Variants in DIAPH2 observed in about 807,000 individuals in gnomAD.
DIAPH2 encodes the protein diaphanous related formin 2.
A neutral mutation model predicts 92.7 loss-of-function variants in DIAPH2; 35 were observed. The observed-to-expected ratio is 0.38, with a 90% CI of 0.29 to 0.50. The LOEUF (loss-of-function observed/expected upper bound fraction) is 0.50. DIAPH2 is among the 20% of genes least tolerant of loss of function. DIAPH2 has a pLI of 0.94. For missense variants in DIAPH2, 701 were observed against 819.5 expected (o/e 0.86, Z 1.77); for synonymous variants, 301 against 280.4 (o/e 1.07, Z -0.73).
chrX:97,083,589 G>A (rs767782755), intron 19 of DIAPH2, among the ~76,000 whole-genome samples: 2 of 111,376 alleles, frequency 1.8e-5, no homozygotes, highest in East Asian at 5.6e-4. Flanking sequence ...CTGGATACCA[G>A]TAGCAGCTCC....
intron 21 of DIAPH2, among the ~76,000 whole-genome samples, chrX:97,139,454 T>A (rs759716779): frequency 6.2e-4 from 67 of 107,510 alleles, no homozygotes; most frequent in African/African-American, 2.0e-3. Context: ...GTTTTTTTTT[T>A]TAAAAAAAAA....
At chrX:97,167,713 G>A (rs1056868881) in intron 22 of DIAPH2, among the ~76,000 whole-genome samples, 1 of 111,372 alleles carries the variant, frequency 9.0e-6, no homozygotes, top group Admixed American at 9.6e-5. Flanking sequence ...ATCAATAGCA[G>A]AATATATAAG....
chrX:96,802,547 T>C (rs1348158573), intron 4 of DIAPH2, among the ~76,000 whole-genome samples: 1 of 111,820 alleles, frequency 8.9e-6, no homozygotes, highest in African/African-American at 3.3e-5. Context: ...GCCCTTGGAA[T>C]GTGGTTTTGT....
chrX:96,894,227 A>G (rs1569422179), intron 5 of DIAPH2, among the ~76,000 whole-genome samples: 1 of 108,025 alleles, frequency 9.3e-6, no homozygotes, highest in African/African-American at 3.4e-5. Flanking sequence ...TTTGGAGGAT[A>G]TTGCCTGAGT....
intron 4 of DIAPH2, among the ~76,000 whole-genome samples, chrX:96,762,736 C>T (rs2064276815): frequency 9.1e-6 from 1 of 110,188 alleles, no homozygotes; most frequent in Non-Finnish European, 1.9e-5. Flanking sequence ...ATAATTTTTT[C>T]AGGGACTATG....
At chrX:96,934,541 CT>C (rs763825466) in intron 10 of DIAPH2, among the ~76,000 whole-genome samples, 79 of 111,328 alleles carry the variant, frequency 7.1e-4, no homozygotes, top group African/African-American at 2.4e-3. Flanking sequence ...TAGAGTGAAA[CT>C]TTTTTTCATA....
At chrX:97,209,439 C>G (rs1156766082) in intron 22 of DIAPH2, among the ~76,000 whole-genome samples, 1 of 111,443 alleles carries the variant, frequency 9.0e-6, no homozygotes, top group Non-Finnish European at 1.9e-5. Context: ...TGTGCCAATA[C>G]ATATAAAGTG....
chrX:97,209,393 A>C (rs2067821902), intron 22 of DIAPH2, among the ~76,000 whole-genome samples: 1 of 111,643 alleles, frequency 9.0e-6, no homozygotes, highest in African/African-American at 3.2e-5. Context: ...CAAATTCAAT[A>C]AAATATAAAA....
intron 22 of DIAPH2, among the ~76,000 whole-genome samples, chrX:97,185,474 CATATAT>C (rs1180330581): frequency 0.017 from 179 of 10,477 alleles, 5 homozygotes; most frequent in South Asian, 0.029. Context: ...TATATATACA[CATATAT>C]ATATATATAT....
chrX:96,947,795 T>C (rs1419289409), intron 14 of DIAPH2, among the ~76,000 whole-genome samples: 1 of 111,996 alleles, frequency 8.9e-6, no homozygotes, highest in Non-Finnish European at 1.9e-5. Context: ...GTTAGAATAA[T>C]GTATAGACTT....
At chrX:97,414,857 G>T (rs1332091380) in intron 25 of DIAPH2, among the ~76,000 whole-genome samples, 1 of 110,838 alleles carries the variant, frequency 9.0e-6, no homozygotes, top group South Asian at 3.8e-4. Flanking sequence ...AAGCCAAATG[G>T]GATCTAATTA....
At chrX:97,027,459 G>A (rs1186020585) in intron 17 of DIAPH2, among the ~76,000 whole-genome samples, 1 of 111,952 alleles carries the variant, frequency 8.9e-6, no homozygotes. Flanking sequence ...CATTCATCAA[G>A]TAATAAAATA....
intron 4 of DIAPH2, among the ~76,000 whole-genome samples, chrX:96,877,229 A>C (rs1367173504): frequency 1.8e-5 from 2 of 111,594 alleles, no homozygotes; most frequent in Non-Finnish European, 3.8e-5. Flanking sequence ...TTGATTTCTT[A>C]TGTTTGAAAG....
chrX:96,821,355 G>A (rs1326851818), intron 4 of DIAPH2, among the ~76,000 whole-genome samples: 1 of 111,106 alleles, frequency 9.0e-6, no homozygotes, highest in East Asian at 2.8e-4. Flanking sequence ...TGAAGCAGCA[G>A]AACCCATTGA....
chrX:97,118,892 C>T (rs2067034675), intron 21 of DIAPH2, among the ~76,000 whole-genome samples: 3 of 112,283 alleles, frequency 2.7e-5, no homozygotes, highest in African/African-American at 9.7e-5. Context: ...CTGACTAAGT[C>T]ACTTACCTTC....
At chrX:97,466,650 C>T (rs933942580) in intron 26 of DIAPH2, among the ~76,000 whole-genome samples, 3 of 111,863 alleles carry the variant, frequency 2.7e-5, no homozygotes, top group Non-Finnish European at 5.6e-5. Context: ...CACAGATCTC[C>T]CCTGAACCAG....
At chrX:96,986,131 G>T (rs984769935) in intron 17 of DIAPH2, among the ~76,000 whole-genome samples, 1 of 110,658 alleles carries the variant, frequency 9.0e-6, no homozygotes, top group Non-Finnish European at 1.9e-5. Flanking sequence ...TTTATTTTTT[G>T]CATGAAAAAC....
intron 22 of DIAPH2, among the ~76,000 whole-genome samples, chrX:97,187,113 A>G (rs1395470640): frequency 9.1e-6 from 1 of 110,026 alleles, no homozygotes; most frequent in African/African-American, 3.3e-5. Flanking sequence ...CAGAGTCAAT[A>G]GTATAGTAAC....
intron 26 of DIAPH2, among the ~76,000 whole-genome samples, chrX:97,523,113 G>A (rs905097286): frequency 2.7e-5 from 3 of 112,017 alleles, no homozygotes; most frequent in Admixed American, 9.5e-5. Flanking sequence ...TCAGCCTAGA[G>A]GCAAAGAGGG....
Sources: gnomAD v4.1 joint callset for allele counts (sites outside exome capture counted in the v4.1 genomes callset) on GRCh38, gnomAD v4.1.1 for gene constraint, MANE v1.5 for transcripts, NCBI Gene and HGNC (gene_info 2026-07-23, HGNC 2026-07-21) for gene names.